The following ACIN1 variants were observed in gnomAD, a reference collection of about 807,000 sequenced individuals.
ACIN1 encodes apoptotic chromatin condensation inducer 1.
In ACIN1, 16 loss-of-function variants were observed where a neutral mutation model predicts 146.6. The observed-to-expected ratio is 0.11, with a 90% CI of 0.07 to 0.17. The LOEUF is 0.17. ACIN1 is among the 10% of genes least tolerant of loss of function. The pLI, the probability that ACIN1 is intolerant of heterozygous loss-of-function variation, is 1.00. For synonymous variants in ACIN1, 569 were observed against 582.7 expected, an observed-to-expected ratio of 0.98 and a Z score of 0.34; for missense variants, 1,357 against 1,609.3, an observed-to-expected ratio of 0.84 and a Z score of 2.68.
chr14:23,079,138 T>C (rs1319894927), intron 6 of ACIN1, 100 bp from the exon 7 acceptor site: 2 of 1,211,616 alleles, frequency 1.7e-6, no homozygotes, highest in East Asian at 5.1e-5. Context: ...AATTTTATAC[T>C]CTGGACCTTT....
In ACIN1 at chr14:23,068,363, T is replaced by C; in HGVS notation, c.2265+1113A>G. The C allele has an allele frequency of 5.1e-6, 5 of 985,978 alleles. No individual in the cohort carries two copies. Among genetic ancestry groups the C allele is most frequent in the Non-Finnish European group, 6.0e-6 (5 of 829,998 alleles). The allele number at this position is 985,978 out of a possible 1,614,324, so 61.1% of individuals were successfully genotyped here. ...GCCCCAGCACTGGCACAAGCTCTTCTTGGGGTGTCCCAAGTAGGGAGATGA... is the reference window on the plus strand; with the variant it reads ...GCCCCAGCACTGGCACAAGCTCTTCCTGGGGTGTCCCAAGTAGGGAGATGA... On this transcript the variant is annotated intron_variant, in intron 9 of 18. Coordinates refer to ENST00000605057, the MANE Select transcript of ACIN1 (RefSeq NM_001386863.1). The surrounding 1 kb of genome is among the most constrained non-coding windows in gnomAD (Gnocchi z 4.3).
chr14:23,066,867 C>T (rs1033566807), intron 9 of ACIN1, among the ~76,000 whole-genome samples: 10 of 151,302 alleles, frequency 6.6e-5, no homozygotes, highest in African/African-American at 1.9e-4. Flanking sequence ...GGGTGAATGA[C>T]GAAAGACTAT....
intron 3 of ACIN1, 21 bp from the exon 4 acceptor site, chr14:23,090,122 CG>C: frequency 6.2e-7 from 1 of 1,609,876 alleles, no homozygotes; most frequent in Non-Finnish European, 8.5e-7. Flanking sequence ...CAGATCGGGT[CG>C]GGGCAGGGAG....
intron 8 of ACIN1, among the ~76,000 whole-genome samples, chr14:23,076,902 T>C (rs1175974391): frequency 6.6e-6 from 1 of 152,178 alleles, no homozygotes; most frequent in Admixed American, 6.5e-5. Flanking sequence ...AGTTTTCACT[T>C]TATGGTCCCA....
Position 23,071,181 on chromosome 14 carries a change from C to G in ACIN1, c.2124-1564G>C, listed in dbSNP as rs1377969211. 12 of 1,543,168 alleles carry G rather than the reference C, an allele frequency of 7.8e-6. No homozygotes were observed. The East Asian group carries it at 2.9e-4, about 38-fold the overall frequency. ...TTCTCCCCCTGGAAGTGCTGTTTAT[C>G]CCTTTCTGGAATGGAAGAAATAACA... On this transcript the variant is annotated intron_variant, in intron 8 of 18. Coordinates refer to ENST00000605057, the MANE Select transcript of ACIN1 (RefSeq NM_001386863.1).
rs745665383 is a variant in ACIN1 at position 23,061,569 on chromosome 14, CTCT to C, written c.3150_3152del (p.Glu1052del). ...GCAGGGGCCGTGGTATTCCCTGCTC[CTCT>C]GTCTTAGTTTCAGAGGGACGGTCCA... On this transcript the variant is annotated inframe_deletion, in exon 17 of 19. Coordinates refer to ENST00000605057, the MANE Select transcript of ACIN1 (RefSeq NM_001386863.1). The C allele has an allele frequency of 6.4e-6, 10 of 1,569,954 alleles. No individual in the cohort carries two copies. Among genetic ancestry groups the C allele is most frequent in the Non-Finnish European group, 7.8e-6 (9 of 1,158,234 alleles).
At chr14:23,093,845 T>C (rs2048292854) in intron 1 of ACIN1, among the ~76,000 whole-genome samples, 1 of 152,208 alleles carries the variant, frequency 6.6e-6, no homozygotes, top group Non-Finnish European at 1.5e-5. Context: ...ATCCCTATTA[T>C]CTTCTGCACT....
rs759456344 is a variant in ACIN1, at chr14:23,079,920, G to A, written c.1415C>T (p.Pro472Leu). The A allele has an allele frequency of 2.0e-5, 33 of 1,614,044 alleles. No individual in the cohort carries two copies. Among genetic ancestry groups the A allele is most frequent in the Non-Finnish European group, 1.7e-6 (2 of 1,180,040 alleles). The change falls in exon 6 of 19, where the codon CCT becomes CTT. Residue 472 changes from proline (P) to leucine (L), a missense_variant. Physicochemically the swap from Pro to Leu is moderately conservative, Grantham distance 98. This residue lies in a region of ACIN1 where 771 missense variants were observed against 746.6 expected (regional missense o/e 1.03). Transcript: ENST00000605057. ...PESDRSAQPLPLKIEELALAK... is the reference protein window; with the variant it reads ...PESDRSAQPLLLKIEELALAK... ...CAGTGCTAATTCCTCAATTTTTAGAGGGAGGGGCTGAGCAGATCTGTCTGA... is the reference window on the plus strand; with the variant it reads ...CAGTGCTAATTCCTCAATTTTTAGAAGGAGGGGCTGAGCAGATCTGTCTGA...
chr14:23,080,611 T>C lies in ACIN1; in HGVS notation c.724A>G (p.Ile242Val). ...DEGQKSREAP[I>V]LKEFKEEGEE... ...CCTTCTTCCTTAAACTCTTTCAGGATTGGTGCCTCCCTAGATTTTTGTCCC... is the reference window on the plus strand; with the variant it reads ...CCTTCTTCCTTAAACTCTTTCAGGACTGGTGCCTCCCTAGATTTTTGTCCC... Residue 242 changes from isoleucine (I) to valine (V), a missense_variant, in exon 6 of 19, where the codon ATC (isoleucine) becomes GTC (valine). Ile to Val is a conservative substitution (Grantham distance 29, BLOSUM62 3). Transcript: ENST00000605057. The C allele has an allele frequency of 6.2e-7, 1 of 1,614,114 alleles. No individual in the cohort carries two copies. The highest frequency in any genetic ancestry group is 8.5e-7 in the Non-Finnish European group (1 of 1,180,012).
At chr14:23,094,799 C>T in intron 1 of ACIN1, 176 bp downstream of exon 1, 1 of 989,064 alleles carries the variant, frequency 1.0e-6, no homozygotes, top group Non-Finnish European at 1.4e-6. Context: ...CGGGAACCGG[C>T]GCGATCTCCA....
intron 2 of ACIN1, among the ~76,000 whole-genome samples, chr14:23,091,459 T>A (rs541844982): frequency 1.3e-5 from 2 of 151,826 alleles, no homozygotes; most frequent in Non-Finnish European, 2.9e-5. Context: ...GGTGGGCATA[T>A]TGTGGTGTGA....
intron 4 of ACIN1, among the ~76,000 whole-genome samples, chr14:23,089,175 G>A (rs2048163126): frequency 6.6e-6 from 1 of 152,094 alleles, no homozygotes. Flanking sequence ...CGAGTCACTG[G>A]GATTACAGGT....
chr14:23,085,209 C>A (rs533782297), intron 4 of ACIN1, among the ~76,000 whole-genome samples: 12 of 152,116 alleles, frequency 7.9e-5, no homozygotes, highest in African/African-American at 2.9e-4. Flanking sequence ...GGGGCGGGTG[C>A]CTGCAGTCCC....
At chr14:23,093,645 T>C in intron 1 of ACIN1, 101 bp from the exon 2 acceptor site, 1 of 938,762 alleles carries the variant, frequency 1.1e-6, no homozygotes, top group Admixed American at 2.1e-5. Flanking sequence ...ATGACTTAAA[T>C]ACACACAATT....
In ACIN1 at chr14:23,058,939, G is replaced by A; in HGVS notation, c.*209C>T. The A allele has an allele frequency of 1.8e-6, 1 of 571,232 alleles. No homozygotes were observed. The highest frequency in any genetic ancestry group is 3.1e-6 in the Non-Finnish European group (1 of 322,146). The allele number at this position is 571,232 out of a possible 1,614,324, so 35.4% of individuals were successfully genotyped here. A position where few individuals can be genotyped will look rare whatever the true frequency, so the allele number is the denominator to read the frequency against. ...GCCTCTCAGACTTAATGGGAAATGA[G>A]AGGGAGGGTCGGGCTAAGTCCCAAG... On this transcript the variant is annotated 3_prime_UTR_variant, in exon 19 of 19. Coordinates refer to ENST00000605057, the MANE Select transcript of ACIN1 (RefSeq NM_001386863.1).
chr14:23,090,429 A>G, intron 3 of ACIN1, 93 bp downstream of exon 3: 1 of 1,136,666 alleles, frequency 8.8e-7, no homozygotes, highest in Non-Finnish European at 1.3e-6. Flanking sequence ...AGCCTCACTT[A>G]TTTCTGAAAT....
chr14:23,084,543 G>A (rs2048037269), intron 4 of ACIN1, among the ~76,000 whole-genome samples: 1 of 151,574 alleles, frequency 6.6e-6, no homozygotes, highest in African/African-American at 2.4e-5. Context: ...CTGGGAGGCA[G>A]AGGTTGTAGT....
chr14:23,060,864 C>T (rs1241560911), intron 18 of ACIN1, among the ~76,000 whole-genome samples: 1 of 152,246 alleles, frequency 6.6e-6, no homozygotes, highest in Non-Finnish European at 1.5e-5. Context: ...CAGACATCCA[C>T]AAACTTCAGC....
intron 9 of ACIN1, 114 bp from the exon 10 acceptor site, chr14:23,066,122 T>TGA (rs901340154): frequency 1.6e-5 from 12 of 760,550 alleles, no homozygotes; most frequent in South Asian, 3.4e-5. Flanking sequence ...ACAGATAGAG[T>TGA]GAGAGAGAGA....
Sources: gnomAD v4.1 joint callset for allele counts (sites outside exome capture counted in the v4.1 genomes callset) on GRCh38, gnomAD v4.1.1 for gene constraint, gnomAD v4.1.1 regional missense constraint, Gnocchi (gnomAD v3.1) non-coding constraint, MANE v1.5 for transcripts, NCBI Gene and HGNC (gene_info 2026-07-23, HGNC 2026-07-21) for gene names.